The following THUMPD1 variants were observed in gnomAD, a reference collection of about 807,000 sequenced individuals.
THUMPD1 encodes THUMP domain-containing protein 1.
In THUMPD1, 31 loss-of-function variants were observed where a neutral mutation model predicts 31.6. The observed-to-expected ratio is 0.98, with a 90% CI of 0.74 to 1.32. The LOEUF (loss-of-function observed/expected upper bound fraction) is 1.32, where lower values mean the gene tolerates loss of function less well. Ranked by LOEUF, THUMPD1 falls within the 40% of genes most tolerant of loss-of-function variation. The pLI is 0.00. For synonymous variants in THUMPD1, 166 were observed against 158.2 expected (o/e 1.05, Z -0.37); for missense variants, 446 against 427.8 (o/e 1.04, Z -0.38).
chr16:20,737,216 T>A lies in THUMPD1; in HGVS notation c.726A>T (p.Glu242Asp), dbSNP rs1265019835. ...LTNPQYTVVV[E>D]IIKAVCCLSV... is the part of the protein sequence containing the mutation. ...TCAGGCAACAGACAGCTTTGATGAT[T>A]TCTACTACCACTGTGTACTGTGGAT... Residue 242 changes from glutamate (E) to aspartate (D), a missense_variant, in exon 4 of 4, where the codon GAA becomes GAT. Coordinates refer to ENST00000396083, the MANE Select transcript of THUMPD1 (RefSeq NM_017736.5). 6.2e-7 allele frequency: 1 copy of A among 1,614,138 alleles called. No homozygotes were observed. Among genetic ancestry groups the A allele is most frequent in the African/African-American group, 1.3e-5 (1 of 74,950 alleles).
intron 1 of THUMPD1, 30 bp downstream of exon 1, chr16:20,741,479 C>CCGGGGG: frequency 2.3e-6 from 3 of 1,329,522 alleles, no homozygotes; most frequent in Non-Finnish European, 2.0e-6. Context: ...GCCTGGCAGC[C>CCGGGGG]GGCCCGCCCG....
At chr16:20,739,175 GAT>G in intron 1 of THUMPD1, 104 bp from the exon 2 acceptor site, 1 of 1,066,136 alleles carries the variant, frequency 9.4e-7, no homozygotes, top group Non-Finnish European at 1.3e-6. Flanking sequence ...GCTCAGTATT[GAT>G]TTTTTTTTTT....
Position 20,736,632 on chromosome 16 carries a change from C to G in THUMPD1, c.*248G>C. 1 of 437,260 alleles carries G rather than the reference C, an allele frequency of 2.3e-6. No homozygotes were observed. Among genetic ancestry groups the G allele is most frequent in the Non-Finnish European group, 4.1e-6 (1 of 245,400 alleles). 27.1% of individuals were successfully genotyped at this position (437,260 alleles called of 1,614,324 possible). A position where few individuals can be genotyped will look rare whatever the true frequency, so the allele number is the denominator to read the frequency against. Reference sequence around the variant, plus strand: ...AGAAGAGGAGCCTGGGAGAGGCCAACATCCCCCTCCTATCCTCCCCTCTTT... The same window carrying G: ...AGAAGAGGAGCCTGGGAGAGGCCAAGATCCCCCTCCTATCCTCCCCTCTTT... On this transcript the variant is annotated 3_prime_UTR_variant, in exon 4 of 4. Transcript: ENST00000396083.
chr16:20,738,809 A>C (rs1244997340), intron 2 of THUMPD1, 88 bp downstream of exon 2: 2 of 1,481,360 alleles, frequency 1.4e-6, no homozygotes, highest in African/African-American at 2.8e-5. Flanking sequence ...AGTCATGCCC[A>C]AGAAGCCATT....
Position 20,735,794 on chromosome 16 carries a change from T to C in THUMPD1, c.*1086A>G, listed in dbSNP as rs1264202854. On this transcript the variant is annotated 3_prime_UTR_variant, in exon 4 of 4. Coordinates refer to ENST00000396083, the MANE Select transcript of THUMPD1 (RefSeq NM_017736.5). ...AGAGAAGCTGCTACTTTTCAGTTAATGACACAAAACCTTTTTTGCATCATA... is the reference window on the plus strand; with the variant it reads ...AGAGAAGCTGCTACTTTTCAGTTAACGACACAAAACCTTTTTTGCATCATA... The C allele has an allele frequency of 6.6e-6, 1 of 152,254 alleles. No individual in the cohort carries two copies. The highest frequency in any genetic ancestry group is 1.5e-5 in the Non-Finnish European group (1 of 68,044). The allele number at this position is 152,254 out of a possible 1,614,324, so 9.4% of individuals were successfully genotyped here.
At position 20,737,628 on chromosome 16, in the gene THUMPD1, A is replaced by G. The variant is rs1284159083; in HGVS notation, c.655+80T>C. ...TCTACACTCAAAAATGTAAGCCTTA[A>G]ATCTTTAAAAAGAAAAAAATCCTTA... is the stretch of plus-strand genomic sequence containing the variant. On this transcript the variant is annotated intron_variant, in intron 3 of 3. Coordinates refer to ENST00000396083, the MANE Select transcript of THUMPD1 (RefSeq NM_017736.5). The G allele has an allele frequency of 2.1e-6, 3 of 1,436,012 alleles. No homozygotes were observed. The African/African-American group carries it at 4.3e-5, about 21-fold the overall frequency. The allele number at this position is 1,436,012 out of a possible 1,614,324, so 89.0% of individuals were successfully genotyped here.
In THUMPD1 at chr16:20,735,820, T is replaced by C. The variant is rs1281170717; in HGVS notation, c.*1060A>G. 1.3e-5 allele frequency: 2 copies of C among 152,246 alleles called. No individual in the cohort carries two copies. Among genetic ancestry groups the C allele is most frequent in the African/African-American group, 2.4e-5 (1 of 41,458 alleles). The allele number at this position is 152,246 out of a possible 1,614,324, so 9.4% of individuals were successfully genotyped here. Reference sequence around the variant, plus strand: ...GACACAAAACCTTTTTTGCATCATATGACATATCATCAGTAAATCAACTTA... The same window carrying C: ...GACACAAAACCTTTTTTGCATCATACGACATATCATCAGTAAATCAACTTA... On this transcript the variant is annotated 3_prime_UTR_variant, in exon 4 of 4. Coordinates refer to ENST00000396083, the MANE Select transcript of THUMPD1 (RefSeq NM_017736.5).
chr16:20,741,479 C>CGGGGGGGGGCG, intron 1 of THUMPD1, 30 bp downstream of exon 1: 2 of 1,329,524 alleles, frequency 1.5e-6, no homozygotes, highest in Non-Finnish European at 2.0e-6. Flanking sequence ...GCCTGGCAGC[C>CGGGGGGGGGCG]GGCCCGCCCG....
intron 2 of THUMPD1, chr16:20,738,293 C>T (rs1247945612): frequency 7.0e-6 from 3 of 430,460 alleles, no homozygotes; most frequent in Non-Finnish European, 1.4e-5. Context: ...GTACATTAAA[C>T]AGTACACACT....
chr16:20,739,926 CAGAG>C (rs1053507706), intron 1 of THUMPD1, among the ~76,000 whole-genome samples: 6 of 152,012 alleles, frequency 3.9e-5, no homozygotes, highest in Admixed American at 2.0e-4. Context: ...CAGTTTGAGG[CAGAG>C]AGAAACGTGC....
rs190709829 is a variant in THUMPD1, at chr16:20,736,745, T to A, written c.*135A>T. ...AACTGTTAACAGGGCTGCGCAATCA[T>A]TGCTCACTACTGTGAGAACAGCATA... On this transcript the variant is annotated 3_prime_UTR_variant, in exon 4 of 4. Coordinates refer to ENST00000396083, the MANE Select transcript of THUMPD1 (RefSeq NM_017736.5). 7.0e-6 allele frequency: 6 copies of A among 860,014 alleles called. No homozygotes were observed. Among genetic ancestry groups the A allele is most frequent in the Non-Finnish European group, 1.1e-5 (6 of 564,946 alleles). The allele number at this position is 860,014 out of a possible 1,614,324, so 53.3% of individuals were successfully genotyped here.
chr16:20,741,477 G>GCCGGGGGGGGGGGCGGCGC, intron 1 of THUMPD1, 32 bp downstream of exon 1: 1 of 1,378,122 alleles, frequency 7.3e-7, no homozygotes, highest in Non-Finnish European at 9.6e-7. Flanking sequence ...AGGCCTGGCA[G>GCCGGGGGGGGGGGCGGCGC]CCGGCCCGCC....
In THUMPD1 at chr16:20,737,705, T is replaced by C. The variant is rs2079882334; in HGVS notation, c.655+3A>G. ...CTATGGAAAATCACTAAGAGAAACA[T>C]ACCTGCCAATTCTCTGATAACTTCT... On this transcript the variant is annotated splice_donor_region_variant and intron_variant, in intron 3 of 3. Coordinates refer to ENST00000396083, the MANE Select transcript of THUMPD1 (RefSeq NM_017736.5). 6.2e-7 allele frequency: 1 copy of C among 1,602,832 alleles called. No homozygotes were observed. The highest frequency in any genetic ancestry group is 8.5e-7 in the Non-Finnish European group (1 of 1,174,478).
At position 20,735,371 on chromosome 16, in the gene THUMPD1, TG is replaced by T. The variant is rs2079859873; in HGVS notation, c.*1508del. On this transcript the variant is annotated 3_prime_UTR_variant, in exon 4 of 4. Coordinates refer to ENST00000396083, the MANE Select transcript of THUMPD1 (RefSeq NM_017736.5). Reference sequence around the variant, plus strand: ...GTGCTGTCTGTCCAGGTTTTTGTTTTGGGTGTTTTTTTTTTTTTTTAACATT... The same window carrying T: ...GTGCTGTCTGTCCAGGTTTTTGTTTTGGTGTTTTTTTTTTTTTTTAACATT... 1.9e-5 allele frequency: 2 copies of T among 104,738 alleles called. No individual in the cohort carries two copies. The highest frequency in any genetic ancestry group is 5.8e-5 in the African/African-American group (2 of 34,582). 6.5% of individuals were successfully genotyped at this position (104,738 alleles called of 1,614,324 possible).
chr16:20,740,288 C>T (rs1300264572), intron 1 of THUMPD1, among the ~76,000 whole-genome samples: 4 of 152,158 alleles, frequency 2.6e-5, no homozygotes, highest in African/African-American at 9.7e-5. Flanking sequence ...CCCTGCTACT[C>T]GGGGACTGAG....
rs1402486676 is a variant in THUMPD1, at chr16:20,735,249, G to GT, written c.*1630dup. 1.3e-5 allele frequency: 2 copies of GT among 152,104 alleles called. No individual in the cohort carries two copies. Among genetic ancestry groups the GT allele is most frequent in the Non-Finnish European group, 2.9e-5 (2 of 68,020 alleles). The allele number at this position is 152,104 out of a possible 1,614,324, so 9.4% of individuals were successfully genotyped here. A position where few individuals can be genotyped will look rare whatever the true frequency, so the allele number is the denominator to read the frequency against. On this transcript the variant is annotated 3_prime_UTR_variant, in exon 4 of 4. Coordinates refer to ENST00000396083, the MANE Select transcript of THUMPD1 (RefSeq NM_017736.5). ...CTCAGCAAAAGCTGGCTGTTTTATT[G>GT]TAAGTACTCTGGCAATTCACCTTTC... is the stretch of plus-strand genomic sequence containing the variant.
Position 20,737,756 on chromosome 16 carries a change from G to A in THUMPD1, c.607C>T (p.Arg203Ter), listed in dbSNP as rs1035131044. Residue 203 changes from arginine to a stop codon, truncating the protein, a stop_gained, in exon 3 of 4, where the codon CGA becomes TGA. Coordinates refer to ENST00000396083, the MANE Select transcript of THUMPD1 (RefSeq NM_017736.5). LOFTEE classifies it low-confidence loss of function (END_TRUNC). ...TCTCTATTCACATGACTGTTATTTCGAGATTTGTACACAATCTGAAATGTC... is the reference window on the plus strand; with the variant it reads ...TCTCTATTCACATGACTGTTATTTCAAGATTTGTACACAATCTGAAATGTC... ...KGTFQIVYKSRNNSHVNREEV... is the reference protein window; with the variant it reads ...KGTFQIVYKS 7 of 1,613,416 alleles carry A rather than the reference G, an allele frequency of 4.3e-6. No individual in the cohort carries two copies. Among genetic ancestry groups the A allele is most frequent in the South Asian group, 2.2e-5 (2 of 90,954 alleles).
chr16:20,736,747 G>T lies in THUMPD1; in HGVS notation c.*133C>A. ...CTGTTAACAGGGCTGCGCAATCATT[G>T]CTCACTACTGTGAGAACAGCATAAT... On this transcript the variant is annotated 3_prime_UTR_variant, in exon 4 of 4. Coordinates refer to ENST00000396083, the MANE Select transcript of THUMPD1 (RefSeq NM_017736.5). The T allele has an allele frequency of 1.2e-6, 1 of 868,850 alleles. No individual in the cohort carries two copies. The highest frequency in any genetic ancestry group is 1.7e-6 in the Non-Finnish European group (1 of 571,878). 53.8% of individuals were successfully genotyped at this position (868,850 alleles called of 1,614,324 possible).
chr16:20,741,536 G>A lies in THUMPD1; in HGVS notation c.204C>T (p.Tyr68=), dbSNP rs570939351. ...VEEAYSLLNE[Y]GDDMYGPEKF... Reference sequence around the variant, plus strand: ...TTTCTGGCCCATACATGTCGTCGCCGTATTCGTTGAGGAGGCTGTAGGCCT... The same window carrying A: ...TTTCTGGCCCATACATGTCGTCGCCATATTCGTTGAGGAGGCTGTAGGCCT... Residue 68 remains tyrosine, a synonymous_variant, in exon 1 of 4, where the codon TAC becomes TAT. Transcript: ENST00000396083. 3 of 1,344,678 alleles carry A rather than the reference G, an allele frequency of 2.2e-6. 1 individual carries two copies. Among genetic ancestry groups the A allele is most frequent in the East Asian group, 8.6e-5 (2 of 23,256 alleles). 83.3% of individuals were successfully genotyped at this position (1,344,678 alleles called of 1,614,324 possible). A position where few individuals can be genotyped will look rare whatever the true frequency, so the allele number is the denominator to read the frequency against.
Sources: gnomAD v4.1 joint callset for allele counts (sites outside exome capture counted in the v4.1 genomes callset) on GRCh38, gnomAD v4.1.1 for gene constraint, MANE v1.5 for transcripts, NCBI Gene and HGNC (gene_info 2026-07-23, HGNC 2026-07-21) for gene names.